Variants in NFIA observed in about 807,000 individuals in gnomAD.
NFIA encodes nuclear factor I A.
NFIA carries 8 observed loss-of-function variants against 62.8 expected under a neutral mutation model. The ratio of observed to expected loss-of-function variants is 0.13; its 90% CI spans 0.07 to 0.23. NFIA has a LOEUF of 0.23. NFIA is among the 10% of genes least tolerant of loss of function. The probability of loss-of-function intolerance (pLI) is 1.00; values close to 1 mark genes in which losing one functional copy is unlikely to be tolerated. For missense variants in NFIA, 410 were observed against 642.1 expected (o/e 0.64, Z 3.91); for synonymous variants, 235 against 238.1 (o/e 0.99, Z 0.12).
chr1:61,205,901 CTTTTTTTTTTTTTTTTTT>C (rs199804398), intron 2 of NFIA, among the ~76,000 whole-genome samples: 4 of 122,496 alleles, frequency 3.3e-5, no homozygotes, highest in South Asian at 2.8e-4. Context: ...TTTTGCAGCC[CTTTTTTTTTTTTTTTTTT>C]TTTTTTTTTT....
chr1:61,358,185 G>A (rs1265877859), intron 5 of NFIA, among the ~76,000 whole-genome samples: 2 of 151,920 alleles, frequency 1.3e-5, no homozygotes, highest in Non-Finnish European at 2.9e-5. Flanking sequence ...GTTCTCAGGG[G>A]ACAGAGCACT....
intron 2 of NFIA, among the ~76,000 whole-genome samples, chr1:61,207,888 G>T (rs918764386): frequency 6.6e-6 from 1 of 151,618 alleles, no homozygotes; most frequent in Non-Finnish European, 1.5e-5. Flanking sequence ...GCACATTTGT[G>T]TAGGGGTTTT....
Position 61,334,597 on chromosome 1 carries a change from A to G in NFIA, c.700+2011A>G, listed in dbSNP as rs1340169885. On this transcript the variant is annotated intron_variant, in intron 4 of 10. Coordinates refer to ENST00000403491, the MANE Select transcript of NFIA (RefSeq NM_001134673.4). ...TATATATATATATATATATATATAT[A>G]TATATATATATATATGTATCAGACC... Among the ~76,000 whole-genome samples the G allele has an allele frequency of 2.8e-3, 273 of 96,192 alleles. 11 individuals are homozygous for G. The highest frequency in any genetic ancestry group is 8.2e-3 in the African/African-American group (207 of 25,130). 63.1% of individuals were successfully genotyped at this position (96,192 alleles called of 152,430 possible).
chr1:61,337,519 G>A (rs1417537951), intron 4 of NFIA, among the ~76,000 whole-genome samples: 1 of 152,126 alleles, frequency 6.6e-6, no homozygotes, highest in East Asian at 1.9e-4. Flanking sequence ...CAGACCACTA[G>A]ATGCTGTGCC....
chr1:61,093,857 T>G (rs375014334), intron 2 of NFIA, among the ~76,000 whole-genome samples: 112 of 152,344 alleles, frequency 7.4e-4, no homozygotes, highest in Middle Eastern at 3.4e-3. Context: ...ATGAATAGCA[T>G]TAATTTAAAC....
chr1:61,204,377 A>G (rs1230970237), intron 2 of NFIA, among the ~76,000 whole-genome samples: 3 of 152,252 alleles, frequency 2.0e-5, no homozygotes, highest in Non-Finnish European at 2.9e-5. Context: ...AGAACTTTCT[A>G]TAGAATATCT....
At chr1:61,148,259 C>G (rs1299844997) in intron 2 of NFIA, among the ~76,000 whole-genome samples, 5 of 152,176 alleles carry the variant, frequency 3.3e-5, no homozygotes, top group Non-Finnish European at 7.3e-5. Context: ...CTGCGTACCT[C>G]TGTAGCCTTC....
At position 61,459,030 on chromosome 1, in the gene NFIA, T is replaced by C. The variant is rs551460225; in HGVS notation, c.*3710T>C. ...GCAGCAGGAAACTATTCAGTTGTGATCAAGCAGGAAAAAAGAAACACCAAC... is the reference window on the plus strand; with the variant it reads ...GCAGCAGGAAACTATTCAGTTGTGACCAAGCAGGAAAAAAGAAACACCAAC... On this transcript the variant is annotated 3_prime_UTR_variant, in exon 11 of 11. Transcript: ENST00000403491. 6.6e-6 allele frequency: 1 copy of C among 152,322 alleles called. No homozygotes were observed. The highest frequency in any genetic ancestry group is 2.4e-5 in the African/African-American group (1 of 41,566). 9.4% of individuals were successfully genotyped at this position (152,322 alleles called of 1,614,324 possible). A position where few individuals can be genotyped will look rare whatever the true frequency, so the allele number is the denominator to read the frequency against.
intron 2 of NFIA, among the ~76,000 whole-genome samples, chr1:61,217,429 C>T (rs907658202): frequency 2.0e-5 from 3 of 152,092 alleles, no homozygotes; most frequent in Non-Finnish European, 4.4e-5. Flanking sequence ...TAATTATGCC[C>T]AGAAGAGAAC....
chr1:61,089,698 T>TTTC (rs1553149372), intron 2 of NFIA, among the ~76,000 whole-genome samples: 11 of 148,676 alleles, frequency 7.4e-5, no homozygotes, highest in African/African-American at 2.7e-4. Flanking sequence ...TTTTTTTCTT[T>TTTC]TTTTTTTTTT....
intron 10 of NFIA, among the ~76,000 whole-genome samples, chr1:61,433,684 G>T (rs1281716661): frequency 6.6e-6 from 1 of 151,922 alleles, no homozygotes; most frequent in Non-Finnish European, 1.5e-5. Context: ...TTATTTTCTG[G>T]ATTACAAAGT....
intron 3 of NFIA, among the ~76,000 whole-genome samples, chr1:61,278,924 A>G (rs753385755): frequency 4.1e-4 from 63 of 152,352 alleles, no homozygotes; most frequent in Non-Finnish European, 7.3e-4. Context: ...ACAGGGTAAT[A>G]ATATTACCTG....
At chr1:61,142,843 G>C (rs1007708528) in intron 2 of NFIA, among the ~76,000 whole-genome samples, 1 of 152,166 alleles carries the variant, frequency 6.6e-6, no homozygotes, top group African/African-American at 2.4e-5. Flanking sequence ...CCTGTGCCAA[G>C]AACTTAAGAG....
intron 3 of NFIA, among the ~76,000 whole-genome samples, chr1:61,306,861 A>G (rs1285687907): frequency 1.3e-5 from 2 of 152,158 alleles, no homozygotes; most frequent in South Asian, 2.1e-4. Flanking sequence ...GGGTACGGAA[A>G]ACTCTTATGC....
chr1:61,109,571 G>C (rs1299890390), intron 2 of NFIA, among the ~76,000 whole-genome samples: 1 of 151,656 alleles, frequency 6.6e-6, no homozygotes, highest in Non-Finnish European at 1.5e-5. Flanking sequence ...TTAGTGACAA[G>C]CATTTAAATA....
rs556299943 is a variant in NFIA at position 61,268,228 on chromosome 1, A to T, written c.560-9292A>T. Among the ~76,000 whole-genome samples the T allele has an allele frequency of 4.5e-4, 68 of 152,330 alleles. 1 individual carries two copies. The South Asian group carries it at 0.013, about 29-fold the overall frequency. On this transcript the variant is annotated intron_variant, in intron 2 of 10. Coordinates refer to ENST00000403491, the MANE Select transcript of NFIA (RefSeq NM_001134673.4). ...CAACCACAGAATCTTCAACCTTCTC[A>T]TTAAGGCTTCTGCATTTTTTAGGCA...
intron 5 of NFIA, 119 bp downstream of exon 5, chr1:61,352,686 T>C (rs563628508): frequency 2.8e-5 from 24 of 850,688 alleles, no homozygotes; most frequent in Non-Finnish European, 4.3e-5. Context: ...AACAAAGTAG[T>C]GGGTTCAGCC....
chr1:61,126,160 A>G (rs1001013026), intron 2 of NFIA, among the ~76,000 whole-genome samples: 4 of 152,204 alleles, frequency 2.6e-5, no homozygotes, highest in Admixed American at 2.0e-4. Context: ...ACCTAGGTCC[A>G]TCTTCTTGCA....
intron 2 of NFIA, chr1:61,250,212 A>T (rs1655937987): frequency 6.6e-6 from 1 of 152,208 alleles, no homozygotes; most frequent in Non-Finnish European, 1.5e-5. Context: ...GGCCATTTTC[A>T]ATATTTGTAA....
Sources: allele counts gnomAD v4.1 joint callset (sites outside exome capture counted in the v4.1 genomes callset), GRCh38; gene constraint gnomAD v4.1.1; transcripts MANE v1.5; gene names NCBI Gene and HGNC (gene_info 2026-07-23, HGNC 2026-07-21).